The following RABGAP1L variants were observed in gnomAD, a reference collection of about 807,000 sequenced individuals.
RABGAP1L encodes the protein RAB GTPase activating protein 1 like.
In RABGAP1L, 63 loss-of-function variants were observed where a neutral mutation model predicts 137.7. That is an observed-to-expected ratio of 0.46 (90% confidence interval 0.37 to 0.56). The LOEUF is 0.56. Ranked by LOEUF, RABGAP1L falls within the 20% of genes least tolerant of loss-of-function variation. The pLI, the probability that RABGAP1L is intolerant of heterozygous loss-of-function variation, is 0.00. For synonymous variants in RABGAP1L, 431 were observed against 433.7 expected (o/e 0.99, Z 0.08); for missense variants, 1,095 against 1,244.0 (o/e 0.88, Z 1.80).
intron 1 of RABGAP1L, among the ~76,000 whole-genome samples, chr1:174,208,591 T>G (rs1420569822): frequency 6.6e-6 from 1 of 152,210 alleles, no homozygotes; most frequent in Non-Finnish European, 1.5e-5. Context: ...ATTGATTGGT[T>G]TTTGAATGTT....
At chr1:174,598,016 A>G (rs7412301) in intron 13 of RABGAP1L, among the ~76,000 whole-genome samples, 1 of 152,172 alleles carries the variant, frequency 6.6e-6, no homozygotes, top group East Asian at 1.9e-4. Flanking sequence ...TGAGAAGATA[A>G]TTGATATGAT....
At position 174,968,983 on chromosome 1, in the gene RABGAP1L, C is replaced by A. The variant is rs563923229; in HGVS notation, c.2434-294C>A. ...GTTCTAGATCTATGTAAAAACCTCA[C>A]AGGATTGGGGGGGATATGCTCAGAA... On this transcript the variant is annotated intron_variant, in intron 20 of 25. Transcript: ENST00000681986. Among the ~76,000 whole-genome samples, 13 of 152,242 alleles carry A rather than the reference C, an allele frequency of 8.5e-5. No individual in the cohort carries two copies. The South Asian group carries it at 2.5e-3, about 29-fold the overall frequency.
chr1:174,876,155 C>T (rs1653079280), intron 19 of RABGAP1L, among the ~76,000 whole-genome samples: 1 of 152,096 alleles, frequency 6.6e-6, no homozygotes, highest in Admixed American at 6.5e-5. Flanking sequence ...GGGAAAATAA[C>T]ACTATAGATC....
intron 13 of RABGAP1L, among the ~76,000 whole-genome samples, chr1:174,619,951 A>G (rs936228680): frequency 3.3e-5 from 5 of 152,218 alleles, no homozygotes; most frequent in Non-Finnish European, 5.9e-5. Context: ...AAGATCTACC[A>G]AGGAAATGGA....
intron 2 of RABGAP1L, among the ~76,000 whole-genome samples, chr1:174,219,798 C>G: frequency 6.6e-6 from 1 of 151,974 alleles, no homozygotes. Context: ...TTTTTCACTT[C>G]TGTGTTGCAC....
intron 13 of RABGAP1L, among the ~76,000 whole-genome samples, chr1:174,608,862 A>G (rs903451936): frequency 1.3e-5 from 2 of 152,210 alleles, no homozygotes; most frequent in Non-Finnish European, 2.9e-5. Context: ...ATCCTGACCT[A>G]TTAAAAGATG....
chr1:174,543,823 G>A (rs928356463), intron 13 of RABGAP1L, among the ~76,000 whole-genome samples: 4 of 152,178 alleles, frequency 2.6e-5, no homozygotes, highest in Non-Finnish European at 5.9e-5. Context: ...TTGCTTGTCT[G>A]TAAAGGATTT....
At chr1:174,445,343 A>T (rs1654622294) in intron 13 of RABGAP1L, among the ~76,000 whole-genome samples, 1 of 152,212 alleles carries the variant, frequency 6.6e-6, no homozygotes, top group Admixed American at 6.5e-5. Context: ...TAATTTAGGT[A>T]TGTGTAGCTC....
At position 174,352,360 on chromosome 1, in the gene RABGAP1L, G is replaced by A. The variant is rs558158954; in HGVS notation, c.1466-18619G>A. On this transcript the variant is annotated intron_variant, in intron 11 of 25. Coordinates refer to ENST00000681986, the MANE Select transcript of RABGAP1L (RefSeq NM_001366446.1). ...ATCAATTCTGGTGTTGAAAGACTAT[G>A]ATTCATTCTTCAGTATGTCAGTTGA... Among the ~76,000 whole-genome samples, 5 of 151,962 alleles carry A rather than the reference G, an allele frequency of 3.3e-5. 1 individual carries two copies. The South Asian group carries it at 1.0e-3, about 32-fold the overall frequency.
intron 19 of RABGAP1L, among the ~76,000 whole-genome samples, chr1:174,813,863 T>C (rs1360469377): frequency 6.6e-6 from 1 of 152,212 alleles, no homozygotes; most frequent in Admixed American, 6.5e-5. Flanking sequence ...AGAAGTATTG[T>C]AAATTGGGTC....
chr1:174,419,572 G>C (rs1039006444), intron 13 of RABGAP1L, among the ~76,000 whole-genome samples: 1 of 152,114 alleles, frequency 6.6e-6, no homozygotes, highest in Non-Finnish European at 1.5e-5. Context: ...TTGTAATAGA[G>C]AGTTCATAGC....
At chr1:174,833,642 C>T (rs935922651) in intron 19 of RABGAP1L, among the ~76,000 whole-genome samples, 7 of 150,728 alleles carry the variant, frequency 4.6e-5, no homozygotes, top group African/African-American at 1.5e-4. Context: ...CTCATTCTTT[C>T]ACTTAATCTT....
intron 7 of RABGAP1L, among the ~76,000 whole-genome samples, chr1:174,268,988 C>T (rs1221751737): frequency 6.6e-6 from 1 of 151,958 alleles, no homozygotes; most frequent in Non-Finnish European, 1.5e-5. Flanking sequence ...AGTGCAGTGG[C>T]GCAGTCTCGG....
chr1:174,325,586 G>A (rs768371547), intron 11 of RABGAP1L, among the ~76,000 whole-genome samples: 9 of 152,148 alleles, frequency 5.9e-5, no homozygotes, highest in African/African-American at 1.4e-4. Context: ...AGTACCACAC[G>A]TGGAAGTTTC....
At chr1:174,627,824 G>A (rs2148297841) in intron 13 of RABGAP1L, among the ~76,000 whole-genome samples, 1 of 152,112 alleles carries the variant, frequency 6.6e-6, no homozygotes, top group East Asian at 1.9e-4. Flanking sequence ...GTCAGCTTTT[G>A]TTTATAGACC....
chr1:174,187,700 T>C (rs1666910896), intron 1 of RABGAP1L, among the ~76,000 whole-genome samples: 1 of 152,176 alleles, frequency 6.6e-6, no homozygotes, highest in Non-Finnish European at 1.5e-5. Context: ...TTTTTAAAAA[T>C]AGTCATTTAT....
intron 10 of RABGAP1L, among the ~76,000 whole-genome samples, chr1:174,289,123 G>A (rs527831377): frequency 1.3e-5 from 2 of 152,184 alleles, no homozygotes; most frequent in South Asian, 4.1e-4. Context: ...CTGTAACTTC[G>A]AACTCCAGGG....
intron 1 of RABGAP1L, among the ~76,000 whole-genome samples, chr1:174,193,499 T>A (rs1480826380): frequency 6.6e-6 from 1 of 152,162 alleles, no homozygotes; most frequent in African/African-American, 2.4e-5. Flanking sequence ...GCCACTGCAC[T>A]CCAGCCTGGG....
In RABGAP1L at chr1:174,448,512, G is replaced by A; in HGVS notation, c.1710+54367G>A. On this transcript the variant is annotated intron_variant, in intron 13 of 25. Transcript: ENST00000681986. The surrounding 1 kb of genome is among the most constrained non-coding windows in gnomAD (Gnocchi z 4.2). ...AGTGTTTCTATGGCATGTCTTGCTT[G>A]CATCAGTGTGGATCGTTATCTTGCA... The A allele has an allele frequency of 6.2e-7, 1 of 1,613,054 alleles. No homozygotes were observed.
Sources: allele counts gnomAD v4.1 joint callset (sites outside exome capture counted in the v4.1 genomes callset), GRCh38; gene constraint gnomAD v4.1.1; non-coding constraint Gnocchi (gnomAD v3.1); transcripts MANE v1.5; gene names NCBI Gene and HGNC (gene_info 2026-07-23, HGNC 2026-07-21).